The following ZMYM3 variants were observed in gnomAD, a reference collection of about 807,000 sequenced individuals.
The protein encoded by ZMYM3 is zinc finger MYM-type containing 3.
Under a neutral mutation model 94.2 loss-of-function variants are expected in ZMYM3, and 6 were observed. That is an observed-to-expected ratio of 0.06 (90% confidence interval 0.03 to 0.13). The LOEUF (loss-of-function observed/expected upper bound fraction) is 0.13, where lower values mean the gene tolerates loss of function less well. ZMYM3 is among the 10% of genes least tolerant of loss of function. The pLI is 1.00. For synonymous variants in ZMYM3, 420 were observed against 426.5 expected, an observed-to-expected ratio of 0.98 and a Z score of 0.19; for missense variants, 664 against 1,132.6, an observed-to-expected ratio of 0.59 and a Z score of 5.94.
intron 11 of ZMYM3, 74 bp from the exon 12 acceptor site, chrX:71,247,980 G>T (rs2030260506): frequency 9.1e-7 from 1 of 1,102,700 alleles, no homozygotes; most frequent in African/African-American, 1.8e-5. Flanking sequence ...CCTTTTCAAG[G>T]TGCTATACCT....
chrX:71,245,511 T>C (rs755470288), intron 17 of ZMYM3, 26 bp from the exon 18 acceptor site: 2 of 1,192,405 alleles, frequency 1.7e-6, no homozygotes, highest in Non-Finnish European at 2.3e-6. Flanking sequence ...GTTGGCTCAG[T>C]GGTTACAAGC....
At chrX:71,245,645 C>T (rs762825207) in intron 17 of ZMYM3, 23 bp downstream of exon 17, 30 of 1,201,552 alleles carry the variant, frequency 2.5e-5, no homozygotes, top group Non-Finnish European at 3.1e-5. Flanking sequence ...CTGTCTCCCT[C>T]GTCGCCACCA....
chrX:71,241,741 G>T (rs1469002509), intron 23 of ZMYM3, among the ~76,000 whole-genome samples: 1 of 111,635 alleles, frequency 9.0e-6, no homozygotes, highest in Non-Finnish European at 1.9e-5. Flanking sequence ...TCCAGAGAAA[G>T]GACCTTGGAA....
intron 4 of ZMYM3, 93 bp from the exon 5 acceptor site, chrX:71,250,819 CTGT>C (rs2030426068): frequency 1.1e-6 from 1 of 917,225 alleles, no homozygotes; most frequent in Non-Finnish European, 1.5e-6. Flanking sequence ...CCTGGGATCC[CTGT>C]TGTTCCGGCC....
chrX:71,249,250 T>A (rs867973333), intron 7 of ZMYM3, 81 bp from the exon 8 acceptor site: 1 of 1,183,258 alleles, frequency 8.5e-7, no homozygotes, highest in Middle Eastern at 2.4e-4. Context: ...CATGAAATAT[T>A]TCAGGCATAC....
chrX:71,248,810 T>G lies in ZMYM3; in HGVS notation c.1622-9A>C. ...GCAGGGTCGGGGAGGGCCTGGGGCA[T>G]AGAGAGAAAGAGAGAGAGGAAAAGA... On this transcript the variant is annotated splice_polypyrimidine_tract_variant and intron_variant, in intron 8 of 24. Transcript: ENST00000314425. 1 of 1,174,323 alleles carries G rather than the reference T, an allele frequency of 8.5e-7. No homozygotes were observed. Among genetic ancestry groups the G allele is most frequent in the Non-Finnish European group, 1.1e-6 (1 of 871,286 alleles).
intron 23 of ZMYM3, 78 bp from the exon 24 acceptor site, chrX:71,241,422 ACAG>A (rs1013008789): frequency 1.2e-6 from 1 of 805,348 alleles, no homozygotes; most frequent in African/African-American, 2.1e-5. Flanking sequence ...AGTTCAGGGC[ACAG>A]GGAGAAGGCG....
At chrX:71,248,040 G>A (rs1187843592) in intron 11 of ZMYM3, 122 bp downstream of exon 11, 74 of 1,095,575 alleles carry the variant, frequency 6.8e-5, no homozygotes, top group Non-Finnish European at 8.7e-5. Flanking sequence ...AGGGGAGATG[G>A]GGGTAGAACA....
chrX:71,252,978 G>C lies in ZMYM3; in HGVS notation c.278C>G (p.Pro93Arg). ...GGLLYKAPSPPEVDHGPEGTL... is the reference protein window; with the variant it reads ...GGLLYKAPSPREVDHGPEGTL... ...TCCCTCAGGACCGTGGTCCACCTCC[G>C]GGGGAGAGGGGGCTTTATAGAGCAG... Residue 93 changes from proline to arginine, a missense_variant, in exon 2 of 25, where the codon CCG (proline) becomes CGG (arginine). By Grantham distance (103) the Pro-to-Arg change is moderately radical. This residue lies in a region of ZMYM3 where 196 missense variants were observed against 190.8 expected (regional missense o/e 1.03). Transcript: ENST00000314425. 2 of 1,210,460 alleles carry C rather than the reference G, an allele frequency of 1.7e-6. No individual in the cohort carries two copies. The highest frequency in any genetic ancestry group is 2.2e-6 in the Non-Finnish European group (2 of 894,999).
At chrX:71,244,736 T>C in intron 19 of ZMYM3, 54 bp downstream of exon 19, 2 of 1,048,327 alleles carry the variant, frequency 1.9e-6, no homozygotes, top group Non-Finnish European at 2.6e-6. Context: ...TCTCGCATCA[T>C]CTCCCCTTTG....
At chrX:71,252,433 C>G (rs1315497924) in intron 2 of ZMYM3, among the ~76,000 whole-genome samples, 156 bp downstream of exon 2, 1 of 105,647 alleles carries the variant, frequency 9.5e-6, no homozygotes, top group African/African-American at 3.5e-5. Flanking sequence ...CACACCACCC[C>G]ACTCCTCCCT....
chrX:71,246,140 T>C (rs377415649), intron 15 of ZMYM3, 42 bp from the exon 16 acceptor site: 140 of 1,153,186 alleles, frequency 1.2e-4, no homozygotes, highest in Non-Finnish European at 3.4e-5. Flanking sequence ...CCTGCTGGAC[T>C]GGTCACATCT....
At position 71,249,260 on chromosome X, in the gene ZMYM3, C is replaced by A; in HGVS notation, c.1471-91G>T. On this transcript the variant is annotated intron_variant, in intron 7 of 24. Coordinates refer to ENST00000314425, the MANE Select transcript of ZMYM3 (RefSeq NM_201599.3). ...TTAAACATGAAATATTTCAGGCATA[C>A]AAAAAAAGTATAGATGATGATGTAA... The A allele has an allele frequency of 8.5e-6, 10 of 1,172,653 alleles. No homozygotes were observed. The Admixed American group carries it at 1.2e-4, about 15-fold the overall frequency.
At chrX:71,254,414 C>T (rs1373168396), upstream of ZMYM3, 1 of 112,212 alleles carries the variant, frequency 8.9e-6, no homozygotes, top group Non-Finnish European at 1.9e-5. Context: ...GCGGCGTCCC[C>T]TTTCCACCCA....
intron 23 of ZMYM3, among the ~76,000 whole-genome samples, 179 bp from the exon 24 acceptor site, chrX:71,241,523 G>A (rs977347275): frequency 9.0e-6 from 1 of 110,867 alleles, no homozygotes. Context: ...CATCCTGTCG[G>A]GCTGTTGTTA....
At chrX:71,248,931 G>A (rs2030317475) in intron 8 of ZMYM3, 88 bp downstream of exon 8, 4 of 1,162,210 alleles carry the variant, frequency 3.4e-6, no homozygotes, top group Admixed American at 2.4e-5. Context: ...GACTGAGGTC[G>A]GGCAGCAAGG....
In ZMYM3 at chrX:71,249,600, T is replaced by C. The variant is rs753478263; in HGVS notation, c.1331A>G (p.Lys444Arg). Residue 444 changes from lysine (K) to arginine (R), a missense_variant, in exon 7 of 25, where the codon AAG (lysine) becomes AGG (arginine). Around this residue, in one of 9 missense-constraint regions of ZMYM3, gnomAD observed 159 missense variants for 313.0 expected, o/e 0.51. Transcript: ENST00000314425. ...GTCACAACAGTTGGTTTTCAGTCCC[T>C]TGTTGGCCCGGAATTTGGAGAAGCA... ...DSCFSKFRAN[K>R]GLKTNCCDQC... The C allele has an allele frequency of 8.3e-7, 1 of 1,211,649 alleles. No homozygotes were observed. Among genetic ancestry groups the C allele is most frequent in the Non-Finnish European group, 1.1e-6 (1 of 895,464 alleles).
intron 18 of ZMYM3, 66 bp downstream of exon 18, chrX:71,245,273 G>A (rs2030119591): frequency 2.6e-6 from 3 of 1,171,459 alleles, no homozygotes; most frequent in Non-Finnish European, 3.5e-6. Context: ...GGGACACAAG[G>A]GACACTCCCT....
At chrX:71,249,875 G>A (rs776904609) in intron 6 of ZMYM3, 151 bp downstream of exon 6, 2 of 1,029,435 alleles carry the variant, frequency 1.9e-6, no homozygotes, top group Non-Finnish European at 2.6e-6. Context: ...ACATCCTGGA[G>A]AAGCTCTGTC....
Sources: allele counts gnomAD v4.1 joint callset (sites outside exome capture counted in the v4.1 genomes callset), GRCh38; gene constraint gnomAD v4.1.1; regional missense constraint gnomAD v4.1.1; transcripts MANE v1.5; gene names NCBI Gene and HGNC (gene_info 2026-07-23, HGNC 2026-07-21).